The following PALS1 variants were observed in gnomAD, a reference collection of about 807,000 sequenced individuals.
PALS1 encodes protein associated with LIN7 1, MAGUK p55 family member, also known as protein PALS1.
A neutral mutation model predicts 78.9 loss-of-function variants in PALS1; 31 were observed. The ratio of observed to expected loss-of-function variants is 0.39; its 90% confidence interval spans 0.30 to 0.53. PALS1 has a LOEUF of 0.53. PALS1 is among the 20% of genes least tolerant of loss of function. The pLI is 0.67. For missense variants in PALS1, 704 were observed against 826.5 expected (o/e 0.85, Z 1.82); for synonymous variants, 276 against 270.9 (o/e 1.02, Z -0.18).
intron 2 of PALS1, among the ~76,000 whole-genome samples, chr14:67,273,665 A>G (rs2084452123): frequency 6.6e-6 from 1 of 152,184 alleles, no homozygotes; most frequent in Non-Finnish European, 1.5e-5. Flanking sequence ...GTCAAATGGT[A>G]TTTCTAGTTC....
rs1013758938 is a variant in PALS1, at chr14:67,268,759, C to T, written c.-236-942C>T. ...ACCCCAACCTGTTTTGTCAGCAGGG[C>T]CTTTGTGACCTGACTTTGTGCTGAC... On this transcript the variant is annotated intron_variant, in intron 1 of 14. Transcript: ENST00000261681. Among the ~76,000 whole-genome samples the T allele has an allele frequency of 3.5e-4, 53 of 152,146 alleles. 1 individual carries two copies. Among genetic ancestry groups the T allele is most frequent in the African/African-American group, 1.3e-3 (52 of 41,440 alleles).
At chr14:67,292,349 T>A (rs977035136) in intron 3 of PALS1, among the ~76,000 whole-genome samples, 162 bp from the exon 4 acceptor site, 4 of 152,218 alleles carry the variant, frequency 2.6e-5, no homozygotes, top group Non-Finnish European at 2.9e-5. Context: ...AGAGTTTTAC[T>A]TAAAACCTAT....
At chr14:67,268,338 C>T (rs554521963) in intron 1 of PALS1, among the ~76,000 whole-genome samples, 3 of 152,266 alleles carry the variant, frequency 2.0e-5, no homozygotes, top group Admixed American at 6.5e-5. Context: ...ATCTGTTACC[C>T]GAAGGGGGTC....
chr14:67,295,084 A>G (rs2084827119), intron 4 of PALS1: 1 of 149,384 alleles, frequency 6.7e-6, no homozygotes, highest in African/African-American at 2.5e-5. Context: ...GAGAAATGGT[A>G]TTTGATTTTG....
At chr14:67,278,534 A>G (rs552823413) in intron 2 of PALS1, among the ~76,000 whole-genome samples, 1 of 152,298 alleles carries the variant, frequency 6.6e-6, no homozygotes, top group Non-Finnish European at 1.5e-5. Flanking sequence ...AGTGAGGTAC[A>G]AACAAGGCTG....
chr14:67,262,362 C>T (rs2140512676), intron 1 of PALS1, among the ~76,000 whole-genome samples: 1 of 152,192 alleles, frequency 6.6e-6, no homozygotes, highest in African/African-American at 2.4e-5. Context: ...TTATCCCTAT[C>T]CCCGCCTCGA....
chr14:67,295,468 C>T (rs891384406), intron 4 of PALS1, among the ~76,000 whole-genome samples: 8 of 147,564 alleles, frequency 5.4e-5, no homozygotes, highest in Non-Finnish European at 8.9e-5. Context: ...CCAGTCTGGG[C>T]GACGGAGTGA....
At chr14:67,257,316 T>G (rs1000813793) in intron 1 of PALS1, among the ~76,000 whole-genome samples, 8 of 151,930 alleles carry the variant, frequency 5.3e-5, no homozygotes, top group Non-Finnish European at 1.0e-4. Flanking sequence ...CTGTCCTTTA[T>G]CCACAAGGAA....
chr14:67,256,727 A>G (rs1195163702), intron 1 of PALS1, among the ~76,000 whole-genome samples: 1 of 151,874 alleles, frequency 6.6e-6, no homozygotes, highest in African/African-American at 2.4e-5. Context: ...TTTGTATTTT[A>G]GTAGAGACAG....
chr14:67,315,809 CA>C (rs2085163512), intron 9 of PALS1, among the ~76,000 whole-genome samples: 1 of 152,188 alleles, frequency 6.6e-6, no homozygotes, highest in Non-Finnish European at 1.5e-5. Context: ...CCTGTAATCC[CA>C]GCTGCTCGGG....
In PALS1 at chr14:67,333,089, C is replaced by A; in HGVS notation, c.*133C>A. On this transcript the variant is annotated 3_prime_UTR_variant, in exon 15 of 15. Transcript: ENST00000261681. ...ATAAGCTGTAGATCTGTTCTTAGAT[C>A]TCTTGAATTAGTGAGACGACAGTTC... 2 of 737,376 alleles carry A rather than the reference C, an allele frequency of 2.7e-6. No homozygotes were observed. The highest frequency in any genetic ancestry group is 2.1e-6 in the Non-Finnish European group (1 of 468,640). 45.7% of individuals were successfully genotyped at this position (737,376 alleles called of 1,614,324 possible). A position where few individuals can be genotyped will look rare whatever the true frequency, so the allele number is the denominator to read the frequency against.
rs1311487796 is a variant in PALS1, at chr14:67,320,394, C to A, written c.1534C>A (p.Pro512Thr). ...AAAGGACCGCTTTGCATCTGCAGTTCCTCGTAAGTTTGAATGCATTCCCAT... is the reference window on the plus strand; with the variant it reads ...AAAGGACCGCTTTGCATCTGCAGTTACTCGTAAGTTTGAATGCATTCCCAT... ...KEKDRFASAVPHTTRSRRDQE... is the reference protein window; with the variant it reads ...KEKDRFASAVTHTTRSRRDQE... Residue 512 changes from proline to threonine, a missense_variant, in exon 12 of 15, where the codon CCT (proline) becomes ACT (threonine). By Grantham distance (38) the Pro-to-Thr change is conservative (BLOSUM62 -1). Coordinates refer to ENST00000261681, the MANE Select transcript of PALS1 (RefSeq NM_022474.4). The A allele has an allele frequency of 6.3e-7, 1 of 1,597,188 alleles. No individual in the cohort carries two copies. Among genetic ancestry groups the A allele is most frequent in the African/African-American group, 1.3e-5 (1 of 74,096 alleles).
At position 67,335,761 on chromosome 14, in the gene PALS1, T is replaced by C. The variant is rs1017297293; in HGVS notation, c.*2805T>C. ...TCTGCACTGTTATTTTGAGATGTCA[T>C]ACTGTACACTGTATTGTAAAAATAA... On this transcript the variant is annotated 3_prime_UTR_variant, in exon 15 of 15. Coordinates refer to ENST00000261681, the MANE Select transcript of PALS1 (RefSeq NM_022474.4). The C allele has an allele frequency of 1.3e-5, 2 of 152,670 alleles. No homozygotes were observed. The highest frequency in any genetic ancestry group is 4.8e-5 in the African/African-American group (2 of 41,446). 9.5% of individuals were successfully genotyped at this position (152,670 alleles called of 1,614,324 possible). A position where few individuals can be genotyped will look rare whatever the true frequency, so the allele number is the denominator to read the frequency against.
At chr14:67,253,171 T>G (rs1326932630) in intron 1 of PALS1, among the ~76,000 whole-genome samples, 1 of 152,234 alleles carries the variant, frequency 6.6e-6, no homozygotes, top group African/African-American at 2.4e-5. Context: ...ATTCCTTATC[T>G]GCAGAATGGG....
At chr14:67,321,023 T>C (rs781213244) in intron 12 of PALS1, 34 bp from the exon 13 acceptor site, 8 of 1,586,662 alleles carry the variant, frequency 5.0e-6, no homozygotes, top group Non-Finnish European at 6.9e-6. Context: ...CTCTAAGCCA[T>C]GCCTGTTATT....
chr14:67,270,416 G>C (rs1004308730), intron 2 of PALS1: 6 of 152,018 alleles, frequency 3.9e-5, no homozygotes, highest in Non-Finnish European at 8.8e-5. Context: ...GTAGTCCTTT[G>C]AAGCTTTCTT....
Position 67,265,554 on chromosome 14 carries a change from C to T in PALS1, c.-236-4147C>T, listed in dbSNP as rs1469460398. Among the ~76,000 whole-genome samples the T allele has an allele frequency of 3.9e-5, 6 of 151,976 alleles. No homozygotes were observed. In the East Asian group the frequency reaches 1.2e-3, roughly 29 times the overall value. On this transcript the variant is annotated intron_variant, in intron 1 of 14. Transcript: ENST00000261681. ...TGGGCAACAGAGCGAGACCCTATCT[C>T]TATTTAAAAGAAAAATAAAAAAGCC...
In PALS1 at chr14:67,321,070, T is replaced by G. The variant is rs770675636; in HGVS notation, c.1551T>G (p.Ser517Arg). 1 of 1,613,880 alleles carries G rather than the reference T, an allele frequency of 6.2e-7. No homozygotes were observed. The highest frequency in any genetic ancestry group is 1.3e-5 in the African/African-American group (1 of 74,896). Reference sequence around the variant, plus strand: ...TTGTTTGCCTAGATACAACCCGGAGTAGGCGAGACCAAGAAGTAGCCGGTA... The same window carrying G: ...TTGTTTGCCTAGATACAACCCGGAGGAGGCGAGACCAAGAAGTAGCCGGTA... ...FASAVPHTTR[S>R]RRDQEVAGRD... Residue 517 changes from serine to arginine, a missense_variant, in exon 13 of 15, where the codon AGT becomes AGG. Coordinates refer to ENST00000261681, the MANE Select transcript of PALS1 (RefSeq NM_022474.4).
At chr14:67,318,322 A>T (rs1324511360) in intron 11 of PALS1, among the ~76,000 whole-genome samples, 1 of 145,376 alleles carries the variant, frequency 6.9e-6, no homozygotes, top group African/African-American at 2.7e-5. Context: ...ACTTTAATAA[A>T]TTTTTTTCTA....
Sources: gnomAD v4.1 joint callset for allele counts (sites outside exome capture counted in the v4.1 genomes callset) on GRCh38, gnomAD v4.1.1 for gene constraint, MANE v1.5 for transcripts, NCBI Gene and HGNC (gene_info 2026-07-23, HGNC 2026-07-21) for gene names.